Variants in C14orf93 observed in about 807,000 individuals in gnomAD.
C14orf93 encodes uncharacterized protein C14orf93.
C14orf93 carries 23 observed loss-of-function variants against 44.0 expected under a neutral mutation model. The ratio of observed to expected loss-of-function variants is 0.52; its 90% CI spans 0.38 to 0.74. C14orf93 has a LOEUF of 0.74. C14orf93 is among the 30% of genes least tolerant of loss of function. The probability of loss-of-function intolerance (pLI) is 0.00; values close to 1 mark genes in which losing one functional copy is unlikely to be tolerated. For synonymous variants in C14orf93, 253 were observed against 265.7 expected, an observed-to-expected ratio of 0.95 and a Z score of 0.46; for missense variants, 579 against 678.9, an observed-to-expected ratio of 0.85 and a Z score of 1.64.
In C14orf93 at chr14:22,987,936, T is replaced by C; in HGVS notation, c.1164A>G (p.Lys388=). 6.2e-7 allele frequency: 1 copy of C among 1,613,950 alleles called. No homozygotes were observed. Among genetic ancestry groups the C allele is most frequent in the South Asian group, 1.1e-5 (1 of 91,074 alleles). Reference sequence around the variant, plus strand: ...GGCGACTTCGAAGTTTCTTCTCCTCTTTTTCCTTCAGGCCTTTAAAGGGGT... The same window carrying C: ...GGCGACTTCGAAGTTTCTTCTCCTCCTTTTCCTTCAGGCCTTTAAAGGGGT... The part of the protein sequence containing the change: ...SLNPFKGLKE[K]EEKKLRSRRY... The change falls in exon 6 of 7, where the codon AAA becomes AAG. Residue 388 remains lysine, a synonymous_variant. Coordinates refer to ENST00000299088, the MANE Select transcript of C14orf93 (RefSeq NM_021944.4). The surrounding 1 kb of genome is among the most constrained non-coding windows in gnomAD (Gnocchi z 5.6).
intron 5 of C14orf93, among the ~76,000 whole-genome samples, chr14:22,988,469 T>G (rs1157002136): frequency 6.6e-6 from 1 of 152,162 alleles, no homozygotes; most frequent in Non-Finnish European, 1.5e-5. Flanking sequence ...TCTTCACTCC[T>G]CTTTGGTTAG....
At chr14:23,004,425 T>A (rs1370519495) in intron 1 of C14orf93, among the ~76,000 whole-genome samples, 1 of 151,886 alleles carries the variant, frequency 6.6e-6, no homozygotes, top group Non-Finnish European at 1.5e-5. Context: ...CCCAAAGTGC[T>A]GAGATTACAG....
At chr14:22,991,663 C>T (rs554899717) in intron 3 of C14orf93, among the ~76,000 whole-genome samples, 234 of 150,816 alleles carry the variant, frequency 1.6e-3, no homozygotes, top group African/African-American at 4.8e-3. Flanking sequence ...CTCCACCTCC[C>T]GGGTTCAAGC....
rs190099151 is a variant in C14orf93 at position 22,991,512 on chromosome 14, T to G, written c.919-1385A>C. Among the ~76,000 whole-genome samples, 1,193 of 151,486 alleles carry G rather than the reference T, an allele frequency of 7.9e-3. 14 individuals carry two copies. The highest frequency in any genetic ancestry group is 0.028 in the African/African-American group (1,139 of 41,298). ...CCCACCTCAGCCTCCCAAAGTGTGCTGGGATTACAGGTGTGAGCCACCGCA... is the reference window on the plus strand; with the variant it reads ...CCCACCTCAGCCTCCCAAAGTGTGCGGGGATTACAGGTGTGAGCCACCGCA... On this transcript the variant is annotated intron_variant, in intron 3 of 6. Coordinates refer to ENST00000299088, the MANE Select transcript of C14orf93 (RefSeq NM_021944.4).
In C14orf93 at chr14:22,992,821, G is replaced by A. The variant is rs190788765; in HGVS notation, c.919-2694C>T. ...GCTGGTCTTGAACTCCTGACCTCGT[G>A]ATCCACCCACCTCGGCTTCCCAAAG... is the stretch of plus-strand genomic sequence containing the variant. On this transcript the variant is annotated intron_variant, in intron 3 of 6. Coordinates refer to ENST00000299088, the MANE Select transcript of C14orf93 (RefSeq NM_021944.4). Among the ~76,000 whole-genome samples, 3 of 152,066 alleles carry A rather than the reference G, an allele frequency of 2.0e-5. No individual in the cohort carries two copies. The East Asian group carries it at 5.9e-4, about 30-fold the overall frequency.
intron 1 of C14orf93, among the ~76,000 whole-genome samples, chr14:23,003,898 ATTTTTTTTTTTTT>A (rs1170432984): frequency 6.1e-3 from 63 of 10,358 alleles, no homozygotes; most frequent in African/African-American, 9.0e-3. Flanking sequence ...ATATATATAT[ATTTTTTTTTTTTT>A]TTTTTTTTTT....
intron 1 of C14orf93, among the ~76,000 whole-genome samples, chr14:23,001,839 T>TA (rs780256403): frequency 0.067 from 3,962 of 59,562 alleles, 328 homozygotes; most frequent in Non-Finnish European, 0.089. Context: ...TACTGCAGGT[T>TA]AAAAAAAAAA....
chr14:23,008,143 A>G (rs2046724029), intron 1 of C14orf93, among the ~76,000 whole-genome samples: 1 of 143,354 alleles, frequency 7.0e-6, no homozygotes, highest in African/African-American at 2.7e-5. Flanking sequence ...AACAAGAGCG[A>G]AACTCCGTTT....
rs753957455 is a variant in C14orf93 at position 22,998,440 on chromosome 14, G to A, written c.584C>T (p.Pro195Leu). ...TGCCATACTCACAGGATTGAGCAGG[G>A]GGGCCGCCTCGCTGGCAGCCAGCGT... ...GCTLAASEAA[P>L]LLNPLVDDYV... The change falls in exon 2 of 7, where the codon CCC (proline) becomes CTC (leucine). Residue 195 changes from proline to leucine, a missense_variant. Physicochemically the swap from Pro to Leu is moderately conservative, Grantham distance 98. Transcript: ENST00000299088. 1.9e-6 allele frequency: 3 copies of A among 1,575,766 alleles called. No individual in the cohort carries two copies. Among genetic ancestry groups the A allele is most frequent in the East Asian group, 4.6e-5 (2 of 43,886 alleles).
In C14orf93 at chr14:22,999,324, C is replaced by T. The variant is rs1305656057; in HGVS notation, c.-301G>A. On this transcript the variant is annotated 5_prime_UTR_variant, in exon 2 of 7. Transcript: ENST00000299088. The stretch of plus-strand genomic sequence containing the variant: ...ACGGTTTCAGACGGTAGAGAGCATT[C>T]CTTCTGCCCCCCAGCATGGAACCCC... 1 of 253,446 alleles carries T rather than the reference C, an allele frequency of 3.9e-6. No homozygotes were observed. Among genetic ancestry groups the T allele is most frequent in the East Asian group, 8.0e-5 (1 of 12,436 alleles). The allele number at this position is 253,446 out of a possible 1,614,324, so 15.7% of individuals were successfully genotyped here. A position where few individuals can be genotyped will look rare whatever the true frequency, so the allele number is the denominator to read the frequency against.
At chr14:23,003,378 C>A (rs1216091152) in intron 1 of C14orf93, among the ~76,000 whole-genome samples, 1 of 152,204 alleles carries the variant, frequency 6.6e-6, no homozygotes, top group Non-Finnish European at 1.5e-5. Flanking sequence ...ATATTGGGAT[C>A]AGCAGGTAAT....
intron 1 of C14orf93, among the ~76,000 whole-genome samples, chr14:23,003,668 G>A (rs933420584): frequency 1.3e-5 from 2 of 150,952 alleles, no homozygotes; most frequent in African/African-American, 2.4e-5. Flanking sequence ...GCGCATGCTG[G>A]CGCGTGCCTG....
At chr14:23,003,340 T>C (rs1250831875) in intron 1 of C14orf93, among the ~76,000 whole-genome samples, 2 of 152,258 alleles carry the variant, frequency 1.3e-5, no homozygotes, top group African/African-American at 4.8e-5. Context: ...TGCTATAGTC[T>C]CTCACCTAAA....
rs2046132235 is a variant in C14orf93, at chr14:22,998,614, G to A, written c.410C>T (p.Ala137Val). 6.2e-7 allele frequency: 1 copy of A among 1,613,980 alleles called. No individual in the cohort carries two copies. The highest frequency in any genetic ancestry group is 1.3e-5 in the African/African-American group (1 of 74,932). ...LKESPGEAFK[A>V]LSAVEEECDS... is the part of the protein sequence containing the mutation. ...ACACTCCTCTTCCACGGCAGACAGA[G>A]CCTTAAAGGCTTCCCCGGGACTTTC... The change falls in exon 2 of 7, where the codon GCT (alanine) becomes GTT (valine). Residue 137 changes from alanine to valine, a missense_variant. By Grantham distance (64) the Ala-to-Val change is moderately conservative. Coordinates refer to ENST00000299088, the MANE Select transcript of C14orf93 (RefSeq NM_021944.4).
rs201928747 is a variant in C14orf93, at chr14:22,990,127, T to C, written c.919A>G (p.Lys307Glu). ...TGGTTATGCACATTGTGGACCAGTT[T>C]CTAGGAGGAAAAAAAGAAAACACAA... ...SRRKRDLVLSKLVHNVHNHIT... is the reference protein window; with the variant it reads ...SRRKRDLVLSELVHNVHNHIT... Residue 307 changes from lysine to glutamate, a missense_variant and splice_region_variant, in exon 4 of 7, where the codon AAA becomes GAA. Coordinates refer to ENST00000299088, the MANE Select transcript of C14orf93 (RefSeq NM_021944.4). 4 of 1,612,560 alleles carry C rather than the reference T, an allele frequency of 2.5e-6. No individual in the cohort carries two copies. Among genetic ancestry groups the C allele is most frequent in the Non-Finnish European group, 3.4e-6 (4 of 1,178,950 alleles).
intron 1 of C14orf93, among the ~76,000 whole-genome samples, chr14:23,003,873 TATATATATATATA>T (rs2046440812): frequency 1.4e-4 from 2 of 14,050 alleles, no homozygotes; most frequent in African/African-American, 3.4e-4. Flanking sequence ...TATATATATA[TATATATATATATA>T]TATATATATA....
At chr14:22,992,397 C>A (rs1365653463) in intron 3 of C14orf93, among the ~76,000 whole-genome samples, 2 of 146,716 alleles carry the variant, frequency 1.4e-5, no homozygotes, top group Admixed American at 6.9e-5. Flanking sequence ...ACCCAGGAGG[C>A]GGAGGTTGCA....
intron 1 of C14orf93, among the ~76,000 whole-genome samples, chr14:23,001,872 TGGG>T (rs1239655739): frequency 9.0e-6 from 1 of 110,626 alleles, no homozygotes; most frequent in Non-Finnish European, 1.8e-5. Flanking sequence ...AAAAAAGGGC[TGGG>T]CGGTGGCTCA....
At chr14:23,008,154 C>CA (rs55936083) in intron 1 of C14orf93, among the ~76,000 whole-genome samples, 1,710 of 84,834 alleles carry the variant, frequency 0.02, 69 homozygotes, top group Non-Finnish European at 0.027. Context: ...AACTCCGTTT[C>CA]AAAAAAAAAA....
Sources: allele counts gnomAD v4.1 joint callset (sites outside exome capture counted in the v4.1 genomes callset), GRCh38; gene constraint gnomAD v4.1.1; non-coding constraint Gnocchi (gnomAD v3.1); transcripts MANE v1.5; gene names NCBI Gene and HGNC (gene_info 2026-07-23, HGNC 2026-07-21).